Variants in TMEM123 observed in about 807,000 individuals in gnomAD.
The protein encoded by TMEM123 is porimin.
A neutral mutation model predicts 19.7 loss-of-function variants in TMEM123; 16 were observed. The observed-to-expected ratio is 0.81, with a 90% confidence interval of 0.55 to 1.23. The LOEUF (loss-of-function observed/expected upper bound fraction) is 1.23. Ranked by LOEUF, TMEM123 falls within the 50% of genes most tolerant of loss-of-function variation. The pLI, the probability that TMEM123 is intolerant of heterozygous loss-of-function variation, is 0.00. For synonymous variants in TMEM123, 118 were observed against 99.4 expected (o/e 1.19, Z -1.12); for missense variants, 313 against 257.8 (o/e 1.21, Z -1.47).
intron 2 of TMEM123, among the ~76,000 whole-genome samples, chr11:102,443,140 C>T (rs1358380676): frequency 6.6e-6 from 1 of 152,180 alleles, no homozygotes; most frequent in African/African-American, 2.4e-5. Context: ...TTCATAGATT[C>T]AATGCCATCC....
At chr11:102,432,931 G>A (rs1857727547) in intron 2 of TMEM123, among the ~76,000 whole-genome samples, 1 of 152,130 alleles carries the variant, frequency 6.6e-6, no homozygotes, top group Admixed American at 6.6e-5. Flanking sequence ...TGTTGAGCCT[G>A]TGGGTGCACA....
chr11:102,448,909 A>G, intron 1 of TMEM123, 41 bp from the exon 2 acceptor site: 6 of 1,593,670 alleles, frequency 3.8e-6, no homozygotes, highest in Non-Finnish European at 5.2e-6. Flanking sequence ...AAGAACATTT[A>G]ACTAAGAATA....
chr11:102,439,533 C>A (rs1299774738), intron 2 of TMEM123, among the ~76,000 whole-genome samples: 3 of 152,112 alleles, frequency 2.0e-5, no homozygotes, highest in Non-Finnish European at 2.9e-5. Flanking sequence ...CACACCAAAA[C>A]CCCATCTGTA....
rs1857821178 is a variant in TMEM123 at position 102,441,124 on chromosome 11, A to G, written c.157+7688T>C. ...ACTTTAACACCCCACTGTCAACATT[A>G]GACAGATCAACCAGACAGAAAGGTA... On this transcript the variant is annotated intron_variant, in intron 2 of 4. Transcript: ENST00000398136. Among the ~76,000 whole-genome samples the G allele has an allele frequency of 2.6e-5, 4 of 152,330 alleles. No homozygotes were observed. The South Asian group carries it at 8.3e-4, about 32-fold the overall frequency.
chr11:102,426,271 TTAACAATAA>T (rs1952125435), intron 2 of TMEM123, among the ~76,000 whole-genome samples: 1 of 152,232 alleles, frequency 6.6e-6, no homozygotes. Context: ...TAGATCGTTC[TTAACAATAA>T]TAACAGTTAA....
intron 2 of TMEM123, among the ~76,000 whole-genome samples, chr11:102,426,890 CCA>C (rs1952132895): frequency 8.8e-6 from 1 of 113,466 alleles, no homozygotes; most frequent in South Asian, 3.3e-4. Flanking sequence ...TGCTCAAAAT[CCA>C]CAACTGGCTA....
At chr11:102,407,029 C>T (rs927184217) in intron 2 of TMEM123, among the ~76,000 whole-genome samples, 2 of 152,050 alleles carry the variant, frequency 1.3e-5, no homozygotes, top group Non-Finnish European at 2.9e-5. Context: ...CTCCCAGGAA[C>T]CTACCAATGA....
At chr11:102,423,492 T>G (rs544837543) in intron 2 of TMEM123, among the ~76,000 whole-genome samples, 168 of 152,290 alleles carry the variant, frequency 1.1e-3, no homozygotes, top group Middle Eastern at 6.8e-3. Context: ...TGAGGCTGTC[T>G]GCCAATAGCC....
chr11:102,431,454 T>C (rs961902861), intron 2 of TMEM123, among the ~76,000 whole-genome samples: 4 of 152,224 alleles, frequency 2.6e-5, no homozygotes, highest in Non-Finnish European at 5.9e-5. Context: ...CACGATAAAC[T>C]ATATTCACTA....
chr11:102,403,362 T>C (rs1192171077), intron 2 of TMEM123, among the ~76,000 whole-genome samples: 1 of 152,222 alleles, frequency 6.6e-6, no homozygotes, highest in Non-Finnish European at 1.5e-5. Flanking sequence ...AGCAAAGGTT[T>C]CCTTCTTTTT....
In TMEM123 at chr11:102,452,713, CCGCTTCCCCTTCGGCCGCGCA is replaced by C. The variant is rs1428454564; in HGVS notation, c.-111_-91del. The C allele has an allele frequency of 9.7e-7, 1 of 1,029,248 alleles. No homozygotes were observed. The highest frequency in any genetic ancestry group is 1.3e-6 in the Non-Finnish European group (1 of 776,806). The allele number at this position is 1,029,248 out of a possible 1,614,324, so 63.8% of individuals were successfully genotyped here. A position where few individuals can be genotyped will look rare whatever the true frequency, so the allele number is the denominator to read the frequency against. The stretch of plus-strand genomic sequence containing the variant: ...CTCCTCTGCGCAGCCGGCGCCGGCT[CCGCTTCCCCTTCGGCCGCGCA>C]CGTTTCCCCTCCCGCCGCTTGCCCC... On this transcript the variant is annotated 5_prime_UTR_variant, in exon 1 of 5. Transcript: ENST00000398136.
intron 2 of TMEM123, among the ~76,000 whole-genome samples, chr11:102,435,915 T>C (rs1229708674): frequency 6.6e-6 from 1 of 151,842 alleles, no homozygotes; most frequent in Non-Finnish European, 1.5e-5. Context: ...ACAGGGTTTC[T>C]TTTTGAGGTG....
chr11:102,417,530 T>C (rs1033554198), intron 2 of TMEM123, among the ~76,000 whole-genome samples: 1 of 152,072 alleles, frequency 6.6e-6, no homozygotes, highest in Admixed American at 6.6e-5. Context: ...AGAAAACCAT[T>C]CCTTGCTCAT....
rs1305786436 is a variant in TMEM123 at position 102,408,745 on chromosome 11, G to T, written c.158-6539C>A. Among the ~76,000 whole-genome samples, 10 of 152,180 alleles carry T rather than the reference G, an allele frequency of 6.6e-5. 1 individual carries two copies. The highest frequency in any genetic ancestry group is 3.9e-4 in the Admixed American group (6 of 15,280). On this transcript the variant is annotated intron_variant, in intron 2 of 4. Coordinates refer to ENST00000398136, the MANE Select transcript of TMEM123 (RefSeq NM_052932.3). ...AGATATCCGAGCTCCCATGGTTACCGTAACTACCATCCGAGTAACATCTTA... is the reference window on the plus strand; with the variant it reads ...AGATATCCGAGCTCCCATGGTTACCTTAACTACCATCCGAGTAACATCTTA...
intron 2 of TMEM123, among the ~76,000 whole-genome samples, chr11:102,415,302 T>C (rs1188352869): frequency 2.0e-5 from 3 of 152,162 alleles, no homozygotes; most frequent in African/African-American, 7.2e-5. Flanking sequence ...CAAAGATATT[T>C]GGGACCTGAA....
At chr11:102,420,768 A>G (rs898347624) in intron 2 of TMEM123, among the ~76,000 whole-genome samples, 1 of 152,156 alleles carries the variant, frequency 6.6e-6, no homozygotes, top group Admixed American at 6.5e-5. Context: ...ACTAAGAATG[A>G]TAAAACTAGG....
intron 4 of TMEM123, among the ~76,000 whole-genome samples, chr11:102,400,954 C>A (rs1951907544): frequency 6.6e-6 from 1 of 152,178 alleles, no homozygotes; most frequent in East Asian, 1.9e-4. Flanking sequence ...TTGGATATAT[C>A]CTCAAACCAT....
chr11:102,446,476 CA>C lies in TMEM123; in HGVS notation c.157+2335del, dbSNP rs143968464. Among the ~76,000 whole-genome samples the C allele has an allele frequency of 3.9e-3, 597 of 152,264 alleles. 7 individuals carry two copies. Among genetic ancestry groups the C allele is most frequent in the African/African-American group, 0.014 (571 of 41,552 alleles). ...CTATATTACTGTATAAACAGAAAAA[CA>C]GCTGTAATAATGTATAGGATTGGAG... On this transcript the variant is annotated intron_variant, in intron 2 of 4. Transcript: ENST00000398136.
intron 2 of TMEM123, among the ~76,000 whole-genome samples, chr11:102,436,977 C>CT (rs956185205): frequency 2.2e-4 from 33 of 152,102 alleles, no homozygotes; most frequent in African/African-American, 7.5e-4. Flanking sequence ...CCTAGGTCTA[C>CT]TTTTTTTGGC....
Sources: allele counts gnomAD v4.1 joint callset (sites outside exome capture counted in the v4.1 genomes callset), GRCh38; gene constraint gnomAD v4.1.1; transcripts MANE v1.5; gene names NCBI Gene and HGNC (gene_info 2026-07-23, HGNC 2026-07-21).